The following NDST4 variants were observed in gnomAD, a reference collection of about 807,000 sequenced individuals.
NDST4 encodes N-deacetylase and N-sulfotransferase 4, also known as N-heparan sulfate sulfotransferase 4.
NDST4 carries 63 observed loss-of-function variants against 100.8 expected under a neutral mutation model. That is an observed-to-expected ratio of 0.62 (90% CI 0.51 to 0.77). NDST4 has a LOEUF of 0.77. NDST4 is among the 30% of genes least tolerant of loss of function. The pLI, the probability that NDST4 is intolerant of heterozygous loss-of-function variation, is 0.00. For synonymous variants in NDST4, 377 were observed against 361.8 expected (o/e 1.04, Z -0.48); for missense variants, 943 against 1,018.4 (o/e 0.93, Z 1.01).
intron 6 of NDST4, among the ~76,000 whole-genome samples, chr4:114,877,231 G>T (rs2126199421): frequency 6.6e-6 from 1 of 152,050 alleles, no homozygotes; most frequent in African/African-American, 2.4e-5. Context: ...TATTTACCTG[G>T]TGAATTTTAT....
intron 4 of NDST4, among the ~76,000 whole-genome samples, chr4:114,966,109 T>C (rs1303239713): frequency 6.6e-6 from 1 of 152,060 alleles, no homozygotes; most frequent in African/African-American, 2.4e-5. Flanking sequence ...TTCGGTTGAC[T>C]ATGCTTGTCA....
intron 2 of NDST4, among the ~76,000 whole-genome samples, chr4:115,032,743 C>A (rs929764836): frequency 6.6e-6 from 1 of 151,980 alleles, no homozygotes; most frequent in African/African-American, 2.4e-5. Context: ...CTTGCAAGAG[C>A]TTTTGGTAGG....
Position 114,960,184 on chromosome 4 carries a change from G to A in NDST4, c.1221+10246C>T, listed in dbSNP as rs539382833. On this transcript the variant is annotated intron_variant, in intron 4 of 13. Transcript: ENST00000264363. Reference sequence around the variant, plus strand: ...AGCAAAGCTATCTTTCAAAAATAGCGGTGAAATAAATACATTCACAGATAT... The same window carrying A: ...AGCAAAGCTATCTTTCAAAAATAGCAGTGAAATAAATACATTCACAGATAT... Among the ~76,000 whole-genome samples the A allele has an allele frequency of 9.1e-4, 138 of 152,130 alleles. 2 individuals are homozygous for A. Among genetic ancestry groups the A allele is most frequent in the South Asian group, 2.1e-3 (10 of 4,820 alleles).
intron 3 of NDST4, among the ~76,000 whole-genome samples, chr4:114,974,120 A>G (rs1006879388): frequency 1.3e-5 from 2 of 152,044 alleles, no homozygotes; most frequent in African/African-American, 4.8e-5. Flanking sequence ...AATAAAAGAG[A>G]TATTATTATC....
Position 114,977,071 on chromosome 4 carries a change from G to A in NDST4, c.1066+116C>T, listed in dbSNP as rs1726654891. On this transcript the variant is annotated intron_variant, in intron 3 of 13. Transcript: ENST00000264363. ...TTTTGGATTTGGCTACTCAAATAATGTGCCCAAGTTTTTCCCATAATCAAT... is the reference window on the plus strand; with the variant it reads ...TTTTGGATTTGGCTACTCAAATAATATGCCCAAGTTTTTCCCATAATCAAT... The A allele has an allele frequency of 8.9e-6, 6 of 673,468 alleles. No individual in the cohort carries two copies. In the South Asian group the frequency reaches 1.3e-4, roughly 15 times the overall value. The allele number at this position is 673,468 out of a possible 1,614,324, so 41.7% of individuals were successfully genotyped here.
At chr4:115,110,179 C>T (rs191136708) in intron 1 of NDST4, among the ~76,000 whole-genome samples, 1 of 152,000 alleles carries the variant, frequency 6.6e-6, no homozygotes, top group African/African-American at 2.4e-5. Flanking sequence ...TTAGAAATGC[C>T]TGTATATATG....
intron 1 of NDST4, among the ~76,000 whole-genome samples, chr4:115,101,410 A>G (rs371924713): frequency 6.6e-6 from 1 of 152,220 alleles, no homozygotes; most frequent in African/African-American, 2.4e-5. Context: ...AAGGATAGAA[A>G]AAAAACCCTA....
chr4:115,113,114 A>G (rs763005886), intron 1 of NDST4, among the ~76,000 whole-genome samples: 5 of 151,988 alleles, frequency 3.3e-5, no homozygotes, highest in Non-Finnish European at 7.4e-5. Flanking sequence ...TGGTGCTTTT[A>G]ATATGAAAAG....
rs540056255 is a variant in NDST4 at position 114,848,297 on chromosome 4, T to C, written c.1858A>G (p.Ile620Val). The change falls in exon 9 of 14, where the codon ATC becomes GTC. Residue 620 changes from isoleucine to valine, a missense_variant. Physicochemically the swap from Ile to Val is conservative, Grantham distance 29 (BLOSUM62 3). Coordinates refer to ENST00000264363, the MANE Select transcript of NDST4 (RefSeq NM_022569.3). ...TTTGGACTAGGGAGATTGCTGATGA[T>C]TGAAGGATGCATAAGAAGAAATAAA... is the stretch of plus-strand genomic sequence containing the variant. Reference protein sequence around the residue: ...LYLFLLMHPSIISNLPSPKTF... With the variant: ...LYLFLLMHPSVISNLPSPKTF... The C allele has an allele frequency of 8.1e-6, 13 of 1,607,736 alleles. No individual in the cohort carries two copies. The African/African-American group carries it at 1.5e-4, about 18-fold the overall frequency.
chr4:114,893,854 A>G (rs1169108330), intron 6 of NDST4, among the ~76,000 whole-genome samples: 3 of 152,084 alleles, frequency 2.0e-5, no homozygotes, highest in Admixed American at 6.6e-5. Flanking sequence ...GTTTTCTTCT[A>G]GGGTTTTATG....
intron 7 of NDST4, among the ~76,000 whole-genome samples, chr4:114,866,009 A>G (rs1228324775): frequency 1.3e-5 from 2 of 152,240 alleles, no homozygotes; most frequent in East Asian, 3.8e-4. Context: ...AGGAAAAAAT[A>G]TTTAAGATAA....
chr4:115,054,139 A>C (rs1027431781), intron 2 of NDST4, among the ~76,000 whole-genome samples: 2 of 151,922 alleles, frequency 1.3e-5, no homozygotes, highest in African/African-American at 4.8e-5. Flanking sequence ...CAATATTTAA[A>C]ACATAATATA....
intron 7 of NDST4, among the ~76,000 whole-genome samples, chr4:114,863,391 G>A (rs1723958298): frequency 1.3e-5 from 2 of 152,234 alleles, no homozygotes; most frequent in South Asian, 4.1e-4. Flanking sequence ...TTATGTGCGT[G>A]TGTGCATGCG....
At chr4:115,069,332 A>AAT (rs1729020503) in intron 2 of NDST4, among the ~76,000 whole-genome samples, 3 of 152,184 alleles carry the variant, frequency 2.0e-5, no homozygotes, top group Non-Finnish European at 4.4e-5. Flanking sequence ...AGAACATTGA[A>AAT]ATAAGAAATT....
intron 1 of NDST4, among the ~76,000 whole-genome samples, chr4:115,097,906 G>A (rs1437088523): frequency 6.6e-6 from 1 of 151,964 alleles, no homozygotes; most frequent in Admixed American, 6.6e-5. Context: ...GTTTCTTCTT[G>A]CCTAGAATAC....
intron 2 of NDST4, among the ~76,000 whole-genome samples, chr4:114,979,026 G>A (rs371060985): frequency 2.4e-4 from 37 of 151,954 alleles, no homozygotes; most frequent in African/African-American, 8.5e-4. Context: ...CCATCAGTTA[G>A]GTATCCTTGG....
intron 4 of NDST4, among the ~76,000 whole-genome samples, chr4:114,960,549 A>G (rs1249745929): frequency 6.7e-6 from 1 of 150,050 alleles, no homozygotes; most frequent in East Asian, 1.9e-4. Flanking sequence ...GAGGTTGCAG[A>G]AAAAAAAAAT....
intron 6 of NDST4, among the ~76,000 whole-genome samples, chr4:114,910,632 T>A (rs576425352): frequency 1.3e-5 from 2 of 152,340 alleles, no homozygotes; most frequent in Admixed American, 6.5e-5. Flanking sequence ...GCCATCTAGA[T>A]GCCAATACAT....
intron 3 of NDST4, among the ~76,000 whole-genome samples, chr4:114,971,910 C>T (rs1184831119): frequency 6.6e-6 from 1 of 151,826 alleles, no homozygotes; most frequent in East Asian, 1.9e-4. Flanking sequence ...GTCTTAGTTC[C>T]CTGTTTTAAA....
Sources: gnomAD v4.1 joint callset for allele counts (sites outside exome capture counted in the v4.1 genomes callset) on GRCh38, gnomAD v4.1.1 for gene constraint, MANE v1.5 for transcripts, NCBI Gene and HGNC (gene_info 2026-07-23, HGNC 2026-07-21) for gene names.